MCTP1: variants seen among roughly 807,000 people sequenced by gnomAD.
The protein encoded by MCTP1 is multiple C2 and transmembrane domain-containing protein 1.
In MCTP1, 69 loss-of-function variants were observed where a neutral mutation model predicts 120.6. That is an observed-to-expected ratio of 0.57 (90% CI 0.47 to 0.70). The LOEUF (loss-of-function observed/expected upper bound fraction) is 0.70, where lower values mean the gene tolerates loss of function less well. MCTP1 is among the 30% of genes least tolerant of loss of function. The pLI is 0.00. For synonymous variants in MCTP1, 529 were observed against 493.1 expected (o/e 1.07, Z -0.96); for missense variants, 1,203 against 1,248.8 (o/e 0.96, Z 0.55).
At chr5:95,073,557 C>T (rs1752776509) in intron 1 of MCTP1, among the ~76,000 whole-genome samples, 1 of 152,122 alleles carries the variant, frequency 6.6e-6, no homozygotes, top group Non-Finnish European at 1.5e-5. Context: ...TATATCTTTC[C>T]AAGTGGTTAT....
intron 1 of MCTP1, among the ~76,000 whole-genome samples, chr5:95,110,410 T>C (rs1007948517): frequency 1.3e-5 from 2 of 151,968 alleles, no homozygotes; most frequent in Non-Finnish European, 2.9e-5. Context: ...ATTCTGTCTC[T>C]CTCTTTCTGC....
intron 19 of MCTP1, among the ~76,000 whole-genome samples, chr5:94,754,808 G>A (rs1217712431): frequency 6.6e-6 from 1 of 152,108 alleles, no homozygotes; most frequent in Non-Finnish European, 1.5e-5. Flanking sequence ...CACTGATTTT[G>A]ACCTTTCCCT....
chr5:95,190,583 A>G lies in MCTP1; in HGVS notation c.720+93273T>C, dbSNP rs12656575. On this transcript the variant is annotated intron_variant, in intron 1 of 22. Coordinates refer to ENST00000515393, the MANE Select transcript of MCTP1 (RefSeq NM_024717.7). ...ACTACCAATCTGGAACCCAGGAAAG[A>G]GTTGAGCTTTTGAAACCAGGATTCC... Among the ~76,000 whole-genome samples the G allele has an allele frequency of 7.2e-5, 11 of 152,112 alleles. No individual in the cohort carries two copies. In the East Asian group the frequency reaches 1.9e-3, roughly 27 times the overall value.
chr5:94,967,087 T>C (rs189283684), intron 2 of MCTP1, among the ~76,000 whole-genome samples: 3 of 152,310 alleles, frequency 2.0e-5, no homozygotes, highest in African/African-American at 7.2e-5. Flanking sequence ...GATACAACTT[T>C]TAGTAATTTA....
At chr5:95,038,572 G>A (rs916555108) in intron 1 of MCTP1, among the ~76,000 whole-genome samples, 2 of 152,168 alleles carry the variant, frequency 1.3e-5, no homozygotes, top group Non-Finnish European at 2.9e-5. Flanking sequence ...GATGGAGAGG[G>A]AAAGAGTAAC....
At chr5:94,845,049 T>C (rs1242170844) in intron 17 of MCTP1, among the ~76,000 whole-genome samples, 3 of 152,198 alleles carry the variant, frequency 2.0e-5, no homozygotes, top group Non-Finnish European at 4.4e-5. Context: ...ACGTACAGAA[T>C]GGTAGAAAAT....
chr5:94,753,312 G>A, intron 19 of MCTP1, among the ~76,000 whole-genome samples: 1 of 152,138 alleles, frequency 6.6e-6, no homozygotes, highest in Admixed American at 6.5e-5. Context: ...TAAGTTTTTA[G>A]TTCTCTAGTC....
chr5:94,850,262 C>A (rs1049892999), intron 17 of MCTP1, among the ~76,000 whole-genome samples: 4 of 152,124 alleles, frequency 2.6e-5, no homozygotes, highest in African/African-American at 9.7e-5. Flanking sequence ...AAAGTAAAGT[C>A]ACCTCTGAGC....
chr5:94,932,107 G>A (rs1814842245), intron 5 of MCTP1, 116 bp from the exon 6 acceptor site: 3 of 622,170 alleles, frequency 4.8e-6, no homozygotes. Flanking sequence ...AGTTCCTGCA[G>A]CAATTATACA....
intron 2 of MCTP1, among the ~76,000 whole-genome samples, chr5:94,968,618 C>G (rs991523137): frequency 6.6e-6 from 1 of 152,092 alleles, no homozygotes; most frequent in African/African-American, 2.4e-5. Context: ...TTTGTTGGTT[C>G]GAAAGACTCA....
intron 1 of MCTP1, among the ~76,000 whole-genome samples, chr5:95,056,182 A>T (rs192565303): frequency 6.6e-6 from 1 of 152,186 alleles, no homozygotes. Context: ...GAATTTCCAC[A>T]CATTTAATAT....
chr5:94,934,881 A>G (rs1815792375), intron 5 of MCTP1, among the ~76,000 whole-genome samples: 2 of 151,582 alleles, frequency 1.3e-5, no homozygotes, highest in Non-Finnish European at 2.9e-5. Context: ...ACTCACTTTT[A>G]TTTCACAAAT....
intron 10 of MCTP1, among the ~76,000 whole-genome samples, chr5:94,898,904 C>T (rs1265988937): frequency 6.6e-6 from 1 of 152,148 alleles, no homozygotes; most frequent in African/African-American, 2.4e-5. Flanking sequence ...ATTCTCAAAC[C>T]CTCAAATTCC....
At chr5:94,773,799 C>G (rs1053238572) in intron 19 of MCTP1, among the ~76,000 whole-genome samples, 3 of 152,118 alleles carry the variant, frequency 2.0e-5, no homozygotes. Flanking sequence ...GAGAACAGCA[C>G]AGGAAAGATC....
rs536837060 is a variant in MCTP1, at chr5:95,174,069, G to C, written c.720+109787C>G. ...ATCAAGAAGGCCCAATATCAAATTG[G>C]CTCCATGAGGGCAATGTTTTGTTCA... On this transcript the variant is annotated intron_variant, in intron 1 of 22. Coordinates refer to ENST00000515393, the MANE Select transcript of MCTP1 (RefSeq NM_024717.7). 2.2e-3 allele frequency among the ~76,000 whole-genome samples: 331 copies of C among 152,060 alleles called. 5 individuals are homozygous for C. Among genetic ancestry groups the C allele is most frequent in the African/African-American group, 7.5e-3 (309 of 41,378 alleles).
intron 1 of MCTP1, among the ~76,000 whole-genome samples, chr5:95,031,218 A>G (rs148184615): frequency 1.3e-5 from 2 of 152,158 alleles, no homozygotes; most frequent in Non-Finnish European, 2.9e-5. Flanking sequence ...TTCAGGGACT[A>G]GTTCAAGAAA....
rs377379235 is a variant in MCTP1, at chr5:95,075,220, C to T, written c.721-57736G>A. ...CAAATGGGTACTTTACATACATTTTCTCTAATCCTCACAAACTTTCAAACA... is the reference window on the plus strand; with the variant it reads ...CAAATGGGTACTTTACATACATTTTTTCTAATCCTCACAAACTTTCAAACA... On this transcript the variant is annotated intron_variant, in intron 1 of 22. Transcript: ENST00000515393. 8.5e-5 allele frequency among the ~76,000 whole-genome samples: 13 copies of T among 152,324 alleles called. No individual in the cohort carries two copies. The East Asian group carries it at 2.3e-3, about 27-fold the overall frequency.
intron 17 of MCTP1, among the ~76,000 whole-genome samples, chr5:94,845,903 T>C (rs936689039): frequency 6.6e-6 from 1 of 152,062 alleles, no homozygotes; most frequent in African/African-American, 2.4e-5. Context: ...GAGAAAATGC[T>C]CAACATCACT....
intron 1 of MCTP1, among the ~76,000 whole-genome samples, chr5:95,185,192 TTA>T (rs1359432502): frequency 6.6e-6 from 1 of 152,090 alleles, no homozygotes; most frequent in Non-Finnish European, 1.5e-5. Context: ...TCAACTTACT[TTA>T]TGAGGCTAGT....
Sources: gnomAD v4.1 joint callset for allele counts (sites outside exome capture counted in the v4.1 genomes callset) on GRCh38, gnomAD v4.1.1 for gene constraint, MANE v1.5 for transcripts, NCBI Gene and HGNC (gene_info 2026-07-23, HGNC 2026-07-21) for gene names.